FBN1: variants seen among roughly 807,000 people sequenced by gnomAD.
FBN1 encodes fibrillin 1, also known as fibrillin-1.
A neutral mutation model predicts 365.1 loss-of-function variants in FBN1; 29 were observed. The observed-to-expected ratio is 0.08, with a 90% CI of 0.06 to 0.11. FBN1 has a LOEUF of 0.11. FBN1 is among the 10% of genes least tolerant of loss of function. The pLI, the probability that FBN1 is intolerant of heterozygous loss-of-function variation, is 1.00. For missense variants in FBN1, 2,476 were observed against 3,703.2 expected (o/e 0.67, Z 8.60); for synonymous variants, 1,210 against 1,270.5 (o/e 0.95, Z 1.01).
intron 2 of FBN1, among the ~76,000 whole-genome samples, chr15:48,629,084 T>G (rs1889938379): frequency 6.6e-6 from 1 of 152,258 alleles, no homozygotes; most frequent in South Asian, 2.1e-4. Flanking sequence ...CCAGTGCTGT[T>G]CTACAAACTA....
chr15:48,637,904 C>T (rs989977421), intron 2 of FBN1, among the ~76,000 whole-genome samples: 2 of 152,206 alleles, frequency 1.3e-5, no homozygotes, highest in African/African-American at 4.8e-5. Context: ...TCTGTTGCAA[C>T]TACTCCACTC....
chr15:48,627,464 A>T (rs1020333456), intron 2 of FBN1, among the ~76,000 whole-genome samples: 1 of 152,180 alleles, frequency 6.6e-6, no homozygotes, highest in African/African-American at 2.4e-5. Flanking sequence ...ATAATTCAAA[A>T]CCTACTCAGA....
intron 36 of FBN1, among the ~76,000 whole-genome samples, chr15:48,470,153 C>T (rs1330129401): frequency 6.6e-6 from 1 of 152,014 alleles, no homozygotes; most frequent in Non-Finnish European, 1.5e-5. Flanking sequence ...CTTGGCTCAA[C>T]AAGAAAATGA....
In FBN1 at chr15:48,416,317, C is replaced by T. The variant is rs748886449; in HGVS notation, c.7820-550G>A. On this transcript the variant is annotated intron_variant, in intron 63 of 65. Transcript: ENST00000316623. ...GATCTGGCAAAGGCTGATATCCTGC[C>T]CCAAGTGTCTGCCCCACGTGTCTGC... Among the ~76,000 whole-genome samples, 72 of 152,168 alleles carry T rather than the reference C, an allele frequency of 4.7e-4. 1 individual carries two copies. The highest frequency in any genetic ancestry group is 3.6e-4 in the African/African-American group (15 of 41,440).
intron 8 of FBN1, among the ~76,000 whole-genome samples, chr15:48,531,397 G>T (rs2043971869): frequency 6.6e-6 from 1 of 151,994 alleles, no homozygotes; most frequent in Admixed American, 6.5e-5. Flanking sequence ...AGCATCTTGT[G>T]AATTTGCTAA....
In FBN1 at chr15:48,516,834, C is replaced by T. The variant is rs376484243; in HGVS notation, c.1148-472G>A. ...TTACAACATATGAAGAACATTACTG[C>T]GGGGAGGCAAGGCTGTTGCAGAAGA... On this transcript the variant is annotated intron_variant, in intron 10 of 65. Coordinates refer to ENST00000316623, the MANE Select transcript of FBN1 (RefSeq NM_000138.5). Among the ~76,000 whole-genome samples the T allele has an allele frequency of 1.0e-3, 156 of 152,136 alleles. 6 individuals are homozygous for T. The South Asian group carries it at 0.03, about 30-fold the overall frequency.
At chr15:48,587,874 C>G (rs2044449079) in intron 6 of FBN1, among the ~76,000 whole-genome samples, 1 of 152,044 alleles carries the variant, frequency 6.6e-6, no homozygotes, top group Non-Finnish European at 1.5e-5. Context: ...TTTGATCAAA[C>G]TTCTACTAAG....
chr15:48,521,638 G>T (rs16961084), intron 9 of FBN1, among the ~76,000 whole-genome samples: 2 of 152,026 alleles, frequency 1.3e-5, no homozygotes, highest in East Asian at 1.9e-4. Flanking sequence ...TCTGGGTTAC[G>T]GAAAGAGTTT....
rs1418533913 is a variant in FBN1, at chr15:48,441,605, T to C, written c.6163+116A>G. The C allele has an allele frequency of 5.9e-6, 8 of 1,346,308 alleles. No homozygotes were observed. In the Admixed American group the frequency reaches 1.0e-4, roughly 17 times the overall value. 83.4% of individuals were successfully genotyped at this position (1,346,308 alleles called of 1,614,324 possible). The stretch of plus-strand genomic sequence containing the variant: ...GGTTATCATTAGACCTCTGGGTGAA[T>C]GAAAACTCTCCATCTTCCTGTTCAC... On this transcript the variant is annotated intron_variant, in intron 50 of 65. Coordinates refer to ENST00000316623, the MANE Select transcript of FBN1 (RefSeq NM_000138.5).
rs769307248 is a variant in FBN1, at chr15:48,425,519, G to A, written c.7331-28C>T. The A allele has an allele frequency of 7.4e-6, 12 of 1,613,600 alleles. No individual in the cohort carries two copies. The South Asian group carries it at 1.1e-4, about 15-fold the overall frequency. ...ATGATCAAAGAAATACAGCGTGACT[G>A]TGCATCTAAAAATGATGTGTACACG... On this transcript the variant is annotated intron_variant, in intron 59 of 65. Coordinates refer to ENST00000316623, the MANE Select transcript of FBN1 (RefSeq NM_000138.5).
intron 1 of FBN1, among the ~76,000 whole-genome samples, chr15:48,645,193 T>C (rs1407295770): frequency 6.6e-6 from 1 of 152,036 alleles, no homozygotes; most frequent in East Asian, 1.9e-4. Context: ...AAAGTACCCA[T>C]ATCCCCAGCG....
At chr15:48,586,602 T>C (rs2044437015) in intron 6 of FBN1, among the ~76,000 whole-genome samples, 2 of 152,206 alleles carry the variant, frequency 1.3e-5, no homozygotes, top group Non-Finnish European at 2.9e-5. Flanking sequence ...AGCTCTCCTA[T>C]ATGATTCTTT....
At chr15:48,447,569 T>C (rs2043169633) in intron 46 of FBN1, among the ~76,000 whole-genome samples, 1 of 152,156 alleles carries the variant, frequency 6.6e-6, no homozygotes, top group African/African-American at 2.4e-5. Flanking sequence ...TAGATGCACA[T>C]TATATTAAGG....
intron 32 of FBN1, among the ~76,000 whole-genome samples, chr15:48,478,144 G>A (rs1020406218): frequency 5.9e-5 from 9 of 152,168 alleles, no homozygotes; most frequent in African/African-American, 1.9e-4. Flanking sequence ...GGAAGAGGGC[G>A]TTACCATGAA....
chr15:48,481,228 T>C (rs1318628171), intron 32 of FBN1, among the ~76,000 whole-genome samples: 2 of 152,172 alleles, frequency 1.3e-5, no homozygotes, highest in African/African-American at 2.4e-5. Context: ...TGATGAAATA[T>C]ATGAATTGTA....
intron 8 of FBN1, among the ~76,000 whole-genome samples, chr15:48,532,901 A>G (rs559499882): frequency 6.6e-6 from 1 of 152,206 alleles, no homozygotes; most frequent in Non-Finnish European, 1.5e-5. Flanking sequence ...TATGTATAAC[A>G]TGTTCAAGAA....
At position 48,520,825 on chromosome 15, in the gene FBN1, C is replaced by T. The variant is rs770623114; in HGVS notation, c.989-8G>A. The T allele has an allele frequency of 7.4e-6, 12 of 1,614,088 alleles. No individual in the cohort carries two copies. The South Asian group carries it at 1.3e-4, about 18-fold the overall frequency. ...AGTATCCTGGGCGAACATCTGAGGA[C>T]AAAGAAACACATACACACACACACA... On this transcript the variant is annotated splice_region_variant and splice_polypyrimidine_tract_variant and intron_variant, in intron 9 of 65. Coordinates refer to ENST00000316623, the MANE Select transcript of FBN1 (RefSeq NM_000138.5).
intron 45 of FBN1, among the ~76,000 whole-genome samples, chr15:48,450,874 A>T (rs76599769): frequency 4.6e-5 from 7 of 152,126 alleles, no homozygotes; most frequent in African/African-American, 7.2e-5. Context: ...GAAAAAAAAA[A>T]TGCCAAGTAT....
chr15:48,440,449 G>A (rs2043103760), intron 50 of FBN1, among the ~76,000 whole-genome samples: 1 of 152,160 alleles, frequency 6.6e-6, no homozygotes, highest in Non-Finnish European at 1.5e-5. Flanking sequence ...TTCAGGCCAA[G>A]CCAAAGGCAC....
Sources: allele counts gnomAD v4.1 joint callset (sites outside exome capture counted in the v4.1 genomes callset), GRCh38; gene constraint gnomAD v4.1.1; transcripts MANE v1.5; gene names NCBI Gene and HGNC (gene_info 2026-07-23, HGNC 2026-07-21).